Variants in LRRTM4 observed in about 807,000 individuals in gnomAD.
LRRTM4 encodes the protein leucine rich repeat transmembrane neuronal 4, also known as leucine-rich repeat transmembrane neuronal protein 4.
A neutral mutation model predicts 47.6 loss-of-function variants in LRRTM4; 25 were observed. The ratio of observed to expected loss-of-function variants is 0.53; its 90% CI spans 0.38 to 0.73. The LOEUF (loss-of-function observed/expected upper bound fraction) is 0.73, where lower values mean the gene tolerates loss of function less well. Ranked by LOEUF, LRRTM4 falls within the 30% of genes least tolerant of loss-of-function variation. LRRTM4 has a pLI of 0.00. For missense variants in LRRTM4, 638 were observed against 713.4 expected (o/e 0.89, Z 1.20); for synonymous variants, 311 against 269.5 (o/e 1.15, Z -1.51).
chr2:77,265,243 TA>T, intron 3 of LRRTM4, among the ~76,000 whole-genome samples: 1 of 152,272 alleles, frequency 6.6e-6, no homozygotes, highest in East Asian at 1.9e-4. Context: ...ATCAGTACAC[TA>T]ATATGTTAGC....
At chr2:77,398,165 T>C (rs1465661046) in intron 3 of LRRTM4, among the ~76,000 whole-genome samples, 1 of 151,906 alleles carries the variant, frequency 6.6e-6, no homozygotes, top group African/African-American at 2.4e-5. Context: ...GCAAATCATG[T>C]TCTTCTAATT....
At chr2:77,288,805 T>G (rs937731807) in intron 3 of LRRTM4, among the ~76,000 whole-genome samples, 1 of 152,016 alleles carries the variant, frequency 6.6e-6, no homozygotes, top group Non-Finnish European at 1.5e-5. Flanking sequence ...CAGACTTTCT[T>G]GCAATTAGAG....
chr2:76,751,234 A>T (rs1672839040), intron 3 of LRRTM4, among the ~76,000 whole-genome samples: 1 of 152,196 alleles, frequency 6.6e-6, no homozygotes, highest in Non-Finnish European at 1.5e-5. Flanking sequence ...AACTTGTATA[A>T]TTCACTGTTT....
chr2:77,044,980 G>C (rs558176984), intron 3 of LRRTM4, among the ~76,000 whole-genome samples: 2 of 151,704 alleles, frequency 1.3e-5, no homozygotes, highest in Non-Finnish European at 2.9e-5. Flanking sequence ...TGGGTAGTAG[G>C]AATGCTGTAG....
intron 3 of LRRTM4, among the ~76,000 whole-genome samples, chr2:76,812,923 A>T (rs1482844729): frequency 2.0e-5 from 3 of 151,786 alleles, no homozygotes; most frequent in African/African-American, 2.4e-5. Context: ...GATTTTTCCA[A>T]GTCAGATTGT....
chr2:77,219,469 A>T (rs1216192715), intron 3 of LRRTM4, among the ~76,000 whole-genome samples: 4 of 152,188 alleles, frequency 2.6e-5, no homozygotes, highest in Admixed American at 6.5e-5. Flanking sequence ...CAGGAAAAAA[A>T]ACAGAAACAC....
chr2:76,913,723 G>C (rs770922684), intron 3 of LRRTM4, among the ~76,000 whole-genome samples: 1 of 151,754 alleles, frequency 6.6e-6, no homozygotes, highest in African/African-American at 2.4e-5. Context: ...ATTTTCATTA[G>C]CGATAGGGTT....
intron 3 of LRRTM4, among the ~76,000 whole-genome samples, chr2:76,952,588 G>T (rs771317646): frequency 1.3e-5 from 2 of 151,974 alleles, no homozygotes; most frequent in Non-Finnish European, 2.9e-5. Context: ...TACACTGTTT[G>T]TGGAAATGTA....
intron 3 of LRRTM4, among the ~76,000 whole-genome samples, chr2:77,436,718 A>G (rs1675614267): frequency 6.6e-6 from 1 of 151,870 alleles, no homozygotes. Context: ...GACATAACCA[A>G]TACATTAATT....
At position 77,247,123 on chromosome 2, in the gene LRRTM4, T is replaced by C. The variant is rs541994460; in HGVS notation, c.1551+271195A>G. Among the ~76,000 whole-genome samples the C allele has an allele frequency of 5.0e-4, 76 of 152,134 alleles. 1 individual carries two copies. In the South Asian group the frequency reaches 0.016, roughly 31 times the overall value. ...TTGTTATTAATTATATTGAATGAGG[T>C]CACATAACATTTTGTTTAACAGAAG... On this transcript the variant is annotated intron_variant, in intron 3 of 3. Transcript: ENST00000409884.
At chr2:76,771,213 AG>A (rs1673688237) in intron 3 of LRRTM4, among the ~76,000 whole-genome samples, 1 of 152,224 alleles carries the variant, frequency 6.6e-6, no homozygotes, top group African/African-American at 2.4e-5. Context: ...AAATGATTAA[AG>A]GAAGAAAAAG....
intron 3 of LRRTM4, among the ~76,000 whole-genome samples, chr2:77,047,311 T>C (rs1679266803): frequency 1.3e-5 from 2 of 151,988 alleles, no homozygotes; most frequent in African/African-American, 4.8e-5. Context: ...TTAAGGAAGG[T>C]AAGTGCTGGC....
At chr2:77,335,263 C>A (rs1231701770) in intron 3 of LRRTM4, among the ~76,000 whole-genome samples, 1 of 152,120 alleles carries the variant, frequency 6.6e-6, no homozygotes, top group African/African-American at 2.4e-5. Context: ...AAATTATTAG[C>A]TTGAAATGGC....
chr2:77,376,428 A>C (rs1460137521), intron 3 of LRRTM4, among the ~76,000 whole-genome samples: 1 of 146,152 alleles, frequency 6.8e-6, no homozygotes, highest in Non-Finnish European at 1.5e-5. Context: ...TTTTTTTGCT[A>C]ATGTCCTTTT....
chr2:76,973,427 A>C (rs1676290400), intron 3 of LRRTM4, among the ~76,000 whole-genome samples: 1 of 151,992 alleles, frequency 6.6e-6, no homozygotes, highest in Non-Finnish European at 1.5e-5. Flanking sequence ...TCTGCTGCAT[A>C]ATTTAGAAAA....
At chr2:77,293,300 T>C (rs559919630) in intron 3 of LRRTM4, among the ~76,000 whole-genome samples, 3 of 152,104 alleles carry the variant, frequency 2.0e-5, no homozygotes, top group Non-Finnish European at 4.4e-5. Context: ...CAAACATACG[T>C]AAGACAGAAA....
chr2:77,389,604 T>C lies in LRRTM4; in HGVS notation c.1551+128714A>G, dbSNP rs527627632. 2.0e-5 allele frequency among the ~76,000 whole-genome samples: 3 copies of C among 152,248 alleles called. No homozygotes were observed. In the South Asian group the frequency reaches 6.2e-4, roughly 32 times the overall value. ...TAGCAGAGTGGATTGATAATTTGAA[T>C]ATATTTCCTGGCTGATTATCTCAAA... is the stretch of plus-strand genomic sequence containing the variant. On this transcript the variant is annotated intron_variant, in intron 3 of 3. Transcript: ENST00000409884.
chr2:76,962,507 G>A (rs931036266), intron 3 of LRRTM4, among the ~76,000 whole-genome samples: 2 of 150,758 alleles, frequency 1.3e-5, no homozygotes, highest in African/African-American at 2.4e-5. Context: ...AATAATGAAA[G>A]TGTATTTTTT....
At chr2:77,097,195 G>A (rs1025650793) in intron 3 of LRRTM4, among the ~76,000 whole-genome samples, 2 of 151,782 alleles carry the variant, frequency 1.3e-5, no homozygotes, top group Non-Finnish European at 3.0e-5. Context: ...TAATTCTTAT[G>A]TTTCATGTGC....
Sources: gnomAD v4.1 joint callset for allele counts (sites outside exome capture counted in the v4.1 genomes callset) on GRCh38, gnomAD v4.1.1 for gene constraint, MANE v1.5 for transcripts, NCBI Gene and HGNC (gene_info 2026-07-23, HGNC 2026-07-21) for gene names.